Variants in PHC2 observed in about 807,000 individuals in gnomAD.
PHC2 encodes polyhomeotic-like protein 2.
In PHC2, 29 loss-of-function variants were observed where a neutral mutation model predicts 87.4. The observed-to-expected ratio is 0.33, with a 90% CI of 0.25 to 0.45. The LOEUF (loss-of-function observed/expected upper bound fraction) is 0.45, where lower values mean the gene tolerates loss of function less well. Among genes scored for constraint, PHC2 ranks in the 20% least tolerant of loss-of-function variants. The probability of loss-of-function intolerance (pLI) is 1.00; values close to 1 mark genes in which losing one functional copy is unlikely to be tolerated. For missense variants in PHC2, 857 were observed against 1,136.7 expected, an observed-to-expected ratio of 0.75 and a Z score of 3.54; for synonymous variants, 438 against 461.7, an observed-to-expected ratio of 0.95 and a Z score of 0.66.
chr1:33,430,451 C>T lies in PHC2; in HGVS notation c.-55+525G>A, dbSNP rs370093865. On this transcript the variant is annotated intron_variant, in intron 1 of 14. Transcript: ENST00000683057. Reference sequence around the variant, plus strand: ...AGTGCCAGCGGCTGCGCTGTCACGCCGCGGCTGGGGAGCGGGCGCCCCGGT... The same window carrying T: ...AGTGCCAGCGGCTGCGCTGTCACGCTGCGGCTGGGGAGCGGGCGCCCCGGT... Among the ~76,000 whole-genome samples, 114 of 152,308 alleles carry T rather than the reference C, an allele frequency of 7.5e-4. 3 individuals are homozygous for T. The East Asian group carries it at 0.019, about 25-fold the overall frequency.
intron 9 of PHC2, among the ~76,000 whole-genome samples, chr1:33,348,695 A>G (rs1646892415): frequency 6.6e-6 from 1 of 152,220 alleles, no homozygotes; most frequent in Non-Finnish European, 1.5e-5. Flanking sequence ...CACGGGAGAT[A>G]TCCGAGGGGA....
rs1646578239 is a variant in PHC2 at position 33,334,394 on chromosome 1, T to C, written c.1559-102A>G. On this transcript the variant is annotated intron_variant, in intron 9 of 14. Transcript: ENST00000683057. This position sits in a 1 kb window ranked among gnomAD's most constrained non-coding sequence, Gnocchi z 5.5. The stretch of plus-strand genomic sequence containing the variant: ...CTCAAACTGCGCCCGGCTTTTACCG[T>C]GGGGCCAAGCGACAATGCAAACCAA... 1.9e-6 allele frequency: 2 copies of C among 1,038,818 alleles called. No individual in the cohort carries two copies. Among genetic ancestry groups the C allele is most frequent in the East Asian group, 2.5e-5 (1 of 40,048 alleles). The allele number at this position is 1,038,818 out of a possible 1,614,324, so 64.4% of individuals were successfully genotyped here. A position where few individuals can be genotyped will look rare whatever the true frequency, so the allele number is the denominator to read the frequency against.
chr1:33,407,855 T>C (rs1326285976), intron 1 of PHC2, among the ~76,000 whole-genome samples: 1 of 152,158 alleles, frequency 6.6e-6, no homozygotes, highest in Non-Finnish European at 1.5e-5. Context: ...TTCATAGAAA[T>C]AGATGAAGTT....
chr1:33,340,328 C>A (rs1291787425), intron 9 of PHC2, among the ~76,000 whole-genome samples: 2 of 152,248 alleles, frequency 1.3e-5, no homozygotes, highest in Non-Finnish European at 2.9e-5. Context: ...GCCCCCAGCA[C>A]TGAAGTCACG....
intron 1 of PHC2, among the ~76,000 whole-genome samples, chr1:33,394,761 C>A (rs1006909868): frequency 1.3e-5 from 2 of 152,032 alleles, no homozygotes; most frequent in Non-Finnish European, 2.9e-5. Context: ...GTAGAGATGG[C>A]GTCTTGCTTT....
chr1:33,385,251 A>G (rs765182194), intron 1 of PHC2, among the ~76,000 whole-genome samples: 4 of 152,232 alleles, frequency 2.6e-5, no homozygotes, highest in South Asian at 2.1e-4. Context: ...TGTGGAGATC[A>G]TAATACCTTA....
At chr1:33,406,027 A>G (rs559161306) in intron 1 of PHC2, among the ~76,000 whole-genome samples, 1 of 151,966 alleles carries the variant, frequency 6.6e-6, no homozygotes, top group Non-Finnish European at 1.5e-5. Context: ...TGTTATTCAA[A>G]TCTTACATAT....
chr1:33,370,623 T>C (rs1647768046), intron 4 of PHC2, 38 bp from the exon 5 acceptor site: 1 of 1,576,884 alleles, frequency 6.3e-7, no homozygotes, highest in African/African-American at 1.3e-5. Context: ...GATAGGAGGT[T>C]CTGTTGGTGA....
intron 1 of PHC2, among the ~76,000 whole-genome samples, chr1:33,428,852 A>G (rs1383226940): frequency 1.3e-5 from 2 of 152,238 alleles, no homozygotes; most frequent in African/African-American, 4.8e-5. Flanking sequence ...CCAGTCTGGC[A>G]GATCCACCGC....
At chr1:33,393,858 T>A (rs1305438014) in intron 1 of PHC2, among the ~76,000 whole-genome samples, 1 of 152,194 alleles carries the variant, frequency 6.6e-6, no homozygotes, top group Non-Finnish European at 1.5e-5. Context: ...GAGTTTTACA[T>A]ACTTGTAAGA....
At chr1:33,386,803 C>A (rs192915592) in intron 1 of PHC2, among the ~76,000 whole-genome samples, 1 of 152,070 alleles carries the variant, frequency 6.6e-6, no homozygotes, top group African/African-American at 2.4e-5. Flanking sequence ...TCACAGTGTG[C>A]GCACACACAC....
At chr1:33,398,208 G>A (rs1339957076) in intron 1 of PHC2, among the ~76,000 whole-genome samples, 1 of 152,154 alleles carries the variant, frequency 6.6e-6, no homozygotes, top group Non-Finnish European at 1.5e-5. Flanking sequence ...AGCACTATCA[G>A]ATTCCTCAGC....
At chr1:33,420,572 T>C (rs1213232359) in intron 1 of PHC2, among the ~76,000 whole-genome samples, 1 of 152,166 alleles carries the variant, frequency 6.6e-6, no homozygotes, top group Non-Finnish European at 1.5e-5. Context: ...GTTCAAAATC[T>C]GGCTAATGTA....
intron 9 of PHC2, among the ~76,000 whole-genome samples, chr1:33,339,315 A>G (rs1345025721): frequency 6.6e-6 from 1 of 152,174 alleles, no homozygotes; most frequent in Non-Finnish European, 1.5e-5. Flanking sequence ...TAGTGCCAAG[A>G]TAAGCAATTT....
intron 7 of PHC2, among the ~76,000 whole-genome samples, chr1:33,360,178 A>C (rs566727546): frequency 1.3e-5 from 2 of 152,360 alleles, no homozygotes; most frequent in East Asian, 3.9e-4. Context: ...ACCTGTAAGA[A>C]ACTTGCAAAA....
At chr1:33,414,177 T>TCACTCACACA (rs1553190150) in intron 1 of PHC2, among the ~76,000 whole-genome samples, 4 of 142,754 alleles carry the variant, frequency 2.8e-5, no homozygotes, top group African/African-American at 1.1e-4. Context: ...TCTCTCTCTG[T>TCACTCACACA]CACACACACA....
intron 1 of PHC2, among the ~76,000 whole-genome samples, chr1:33,421,416 A>C (rs377762847): frequency 6.6e-6 from 1 of 152,198 alleles, no homozygotes; most frequent in East Asian, 1.9e-4. Context: ...AGTCTAAGTA[A>C]AGGGATGTAA....
At position 33,347,349 on chromosome 1, in the gene PHC2, C is replaced by T. The variant is rs190573318; in HGVS notation, c.1558+7052G>A. On this transcript the variant is annotated intron_variant, in intron 9 of 14. Transcript: ENST00000683057. ...CTGATGAGATGATGAGACCCACAGCCAGGAGAATGATGACTGTGACAGAAG... is the reference window on the plus strand; with the variant it reads ...CTGATGAGATGATGAGACCCACAGCTAGGAGAATGATGACTGTGACAGAAG... 3.1e-3 allele frequency: 3,019 copies of T among 985,370 alleles called. 10 individuals carry two copies. The highest frequency in any genetic ancestry group is 3.5e-3 in the Non-Finnish European group (2,872 of 829,928). 61.0% of individuals were successfully genotyped at this position (985,370 alleles called of 1,614,324 possible).
chr1:33,370,919 T>C, intron 4 of PHC2, 98 bp downstream of exon 4: 2 of 969,484 alleles, frequency 2.1e-6, no homozygotes, highest in South Asian at 2.6e-5. Context: ...CCAGCCATGA[T>C]GCTACATGGC....
Sources: gnomAD v4.1 joint callset for allele counts (sites outside exome capture counted in the v4.1 genomes callset) on GRCh38, gnomAD v4.1.1 for gene constraint, Gnocchi (gnomAD v3.1) non-coding constraint, MANE v1.5 for transcripts, NCBI Gene and HGNC (gene_info 2026-07-23, HGNC 2026-07-21) for gene names.